The following GRIK4 variants were observed in gnomAD, a reference collection of about 807,000 sequenced individuals.
GRIK4 encodes glutamate ionotropic receptor kainate type subunit 4.
GRIK4 carries 40 observed loss-of-function variants against 104.9 expected under a neutral mutation model. The ratio of observed to expected loss-of-function variants is 0.38; its 90% CI spans 0.30 to 0.50. The LOEUF (loss-of-function observed/expected upper bound fraction) is 0.50, where lower values mean the gene tolerates loss of function less well. Ranked by LOEUF, GRIK4 falls within the 20% of genes least tolerant of loss-of-function variation. The pLI is 0.93. For missense variants in GRIK4, 1,047 were observed against 1,308.1 expected (o/e 0.80, Z 3.08); for synonymous variants, 485 against 524.9 (o/e 0.92, Z 1.04).
intron 3 of GRIK4, among the ~76,000 whole-genome samples, chr11:120,702,979 A>C (rs1429120218): frequency 6.6e-6 from 1 of 152,212 alleles, no homozygotes; most frequent in African/African-American, 2.4e-5. Context: ...TGCTTTGCCC[A>C]ATTTAAGATG....
intron 1 of GRIK4, among the ~76,000 whole-genome samples, chr11:120,561,270 T>A (rs753316069): frequency 5.3e-5 from 8 of 152,192 alleles, no homozygotes; most frequent in Non-Finnish European, 1.0e-4. Context: ...TCAGCCCGGC[T>A]GACTTGGAAA....
At chr11:120,944,388 C>G (rs145723408) in intron 14 of GRIK4, among the ~76,000 whole-genome samples, 231 of 152,270 alleles carry the variant, frequency 1.5e-3, no homozygotes, top group African/African-American at 5.3e-3. Context: ...TTCTTCACAT[C>G]TCCATCTGGA....
rs1314417940 is a variant in GRIK4, at chr11:120,672,557, A to G, written c.82+12157A>G. Among the ~76,000 whole-genome samples the G allele has an allele frequency of 3.3e-5, 5 of 152,290 alleles. 1 individual carries two copies. The highest frequency in any genetic ancestry group is 6.8e-3 in the Middle Eastern group (2 of 294). ...CATTTTCACGGTATTCATTCTTCCT[A>G]TCCATGAGCATGGAATGTTTTTCCG... On this transcript the variant is annotated intron_variant, in intron 3 of 20. Coordinates refer to ENST00000527524, the MANE Select transcript of GRIK4 (RefSeq NM_014619.5).
At chr11:120,543,822 C>A (rs1187577034) in intron 1 of GRIK4, among the ~76,000 whole-genome samples, 1 of 152,170 alleles carries the variant, frequency 6.6e-6, no homozygotes, top group African/African-American at 2.4e-5. Flanking sequence ...AGAAGAAGAT[C>A]CTACCTTTGC....
At chr11:120,624,718 C>T (rs2135171401) in intron 1 of GRIK4, among the ~76,000 whole-genome samples, 2 of 152,324 alleles carry the variant, frequency 1.3e-5, no homozygotes, top group Middle Eastern at 3.4e-3. Context: ...CCTCTTCCTC[C>T]ATTAGCGTAG....
intron 3 of GRIK4, among the ~76,000 whole-genome samples, chr11:120,777,200 C>T (rs773372253): frequency 1.3e-5 from 2 of 152,200 alleles, no homozygotes; most frequent in Non-Finnish European, 2.9e-5. Context: ...TTACAAGGTG[C>T]TTCACAGCCC....
intron 3 of GRIK4, among the ~76,000 whole-genome samples, chr11:120,717,538 A>T (rs890075751): frequency 1.3e-5 from 2 of 152,072 alleles, no homozygotes; most frequent in African/African-American, 4.8e-5. Flanking sequence ...AGGGCCAGGA[A>T]ATCTGAGTCC....
chr11:120,829,946 C>A (rs953243262), intron 6 of GRIK4, among the ~76,000 whole-genome samples: 1 of 152,182 alleles, frequency 6.6e-6, no homozygotes, highest in African/African-American at 2.4e-5. Context: ...TCCATCGAAA[C>A]CCTGTCAGGG....
intron 3 of GRIK4, among the ~76,000 whole-genome samples, chr11:120,682,781 G>C (rs1950218212): frequency 6.6e-6 from 1 of 151,720 alleles, no homozygotes. Flanking sequence ...TATAGGATAG[G>C]ATCCAAGCCC....
At chr11:120,827,041 G>A (rs900993704) in intron 6 of GRIK4, among the ~76,000 whole-genome samples, 13 of 152,134 alleles carry the variant, frequency 8.5e-5, no homozygotes, top group Admixed American at 2.6e-4. Context: ...ACCACAATCC[G>A]CAAAGATCAA....
intron 13 of GRIK4, among the ~76,000 whole-genome samples, chr11:120,929,352 A>G (rs1473713948): frequency 1.3e-5 from 2 of 152,156 alleles, no homozygotes; most frequent in African/African-American, 4.8e-5. Context: ...CGTGTGGGCC[A>G]GGAGTGGGAG....
intron 14 of GRIK4, among the ~76,000 whole-genome samples, chr11:120,945,775 C>A (rs1032751169): frequency 2.6e-5 from 4 of 152,230 alleles, no homozygotes; most frequent in African/African-American, 4.8e-5. Flanking sequence ...GCCTCCTGAA[C>A]TCACTGCTCT....
At chr11:120,710,938 A>G (rs1950721192) in intron 3 of GRIK4, among the ~76,000 whole-genome samples, 1 of 151,372 alleles carries the variant, frequency 6.6e-6, no homozygotes, top group Admixed American at 6.6e-5. Flanking sequence ...TCATTCCCAG[A>G]AGGCAGTGCA....
At chr11:120,843,873 G>A (rs935421938) in intron 8 of GRIK4, among the ~76,000 whole-genome samples, 2 of 152,130 alleles carry the variant, frequency 1.3e-5, no homozygotes, top group Non-Finnish European at 2.9e-5. Flanking sequence ...TGGGGAGTTC[G>A]TGTGACTCGT....
At chr11:120,629,275 A>T (rs1300483543) in intron 1 of GRIK4, among the ~76,000 whole-genome samples, 1 of 152,182 alleles carries the variant, frequency 6.6e-6, no homozygotes, top group Middle Eastern at 3.2e-3. Flanking sequence ...TGGCCTTGAC[A>T]ATTTCCCTTC....
chr11:120,546,459 C>A (rs1948086361), intron 1 of GRIK4, among the ~76,000 whole-genome samples: 1 of 152,214 alleles, frequency 6.6e-6, no homozygotes, highest in Admixed American at 6.5e-5. Context: ...GAGACTGCAC[C>A]TGCTGGGCTA....
chr11:120,669,400 T>C (rs1949975882), intron 3 of GRIK4, among the ~76,000 whole-genome samples: 1 of 152,240 alleles, frequency 6.6e-6, no homozygotes, highest in Non-Finnish European at 1.5e-5. Flanking sequence ...CTTCCTTAGC[T>C]GCTGTCCCTC....
rs1215268054 is a variant in GRIK4 at position 120,644,065 on chromosome 11, A to AG, written c.-158-9619dup. Among the ~76,000 whole-genome samples the AG allele has an allele frequency of 1.3e-4, 18 of 139,278 alleles. No homozygotes were observed. The East Asian group carries it at 1.8e-3, about 14-fold the overall frequency. The allele number at this position is 139,278 out of a possible 152,430, so 91.4% of individuals were successfully genotyped here. ...TGTGTGAGAGAGAGAGAGAGGAGAG[A>AG]GAGAGAGAGAGAGAGAAAGTGTGTG... On this transcript the variant is annotated intron_variant, in intron 1 of 20. Coordinates refer to ENST00000527524, the MANE Select transcript of GRIK4 (RefSeq NM_014619.5).
chr11:120,849,393 T>C (rs1306610391), intron 8 of GRIK4, among the ~76,000 whole-genome samples: 1 of 152,234 alleles, frequency 6.6e-6, no homozygotes, highest in Non-Finnish European at 1.5e-5. Flanking sequence ...CACAAAGTTG[T>C]TAAAGATTCA....
Sources: gnomAD v4.1 joint callset for allele counts (sites outside exome capture counted in the v4.1 genomes callset) on GRCh38, gnomAD v4.1.1 for gene constraint, MANE v1.5 for transcripts, NCBI Gene and HGNC (gene_info 2026-07-23, HGNC 2026-07-21) for gene names.